The following SLC35D4 variants were observed in gnomAD, a reference collection of about 807,000 sequenced individuals.
SLC35D4 encodes the protein UDP-N-acetylglucosamine transporter SLC35D4.
chr18:23,255,651 C>T, the SLC35D4 span, among the ~76,000 whole-genome samples: 1 of 151,716 alleles, frequency 6.6e-6, no homozygotes, highest in Non-Finnish European at 1.5e-5. Context: ...CCTCCACCTC[C>T]CAGACTCAAG....
chr18:23,389,130 C>T, the SLC35D4 span, among the ~76,000 whole-genome samples: 1 of 151,890 alleles, frequency 6.6e-6, no homozygotes, highest in Non-Finnish European at 1.5e-5. Context: ...GCTGGGACTA[C>T]AGGCCCTGCC....
chr18:23,379,764 C>T, the SLC35D4 span, among the ~76,000 whole-genome samples: 1 of 152,186 alleles, frequency 6.6e-6, no homozygotes, highest in Non-Finnish European at 1.5e-5. Context: ...ACTGAGGTCT[C>T]AGGGTTCTAA....
At chr18:23,424,949 T>A in the SLC35D4 span, among the ~76,000 whole-genome samples, 1 of 152,124 alleles carries the variant, frequency 6.6e-6, no homozygotes, top group Non-Finnish European at 1.5e-5. Flanking sequence ...GGTGATAATA[T>A]AATAAACATT....
chr18:23,280,900 A>C, the SLC35D4 span, among the ~76,000 whole-genome samples: 1 of 151,960 alleles, frequency 6.6e-6, no homozygotes, highest in Non-Finnish European at 1.5e-5. Context: ...AGGGTCCCTG[A>C]GTCCCACCCC....
the SLC35D4 span, chr18:23,368,844 TTA>T: frequency 2.5e-6 from 2 of 799,030 alleles, no homozygotes. Context: ...AAATTCTATT[TTA>T]GTTACTACTT....
At chr18:23,281,642 T>A in the SLC35D4 span, among the ~76,000 whole-genome samples, 866 of 152,264 alleles carry the variant, frequency 5.7e-3, 23 homozygotes, top group Admixed American at 0.05. Flanking sequence ...TGTTATTTTT[T>A]AAAAATCTCT....
chr18:23,361,896 A>G, the SLC35D4 span, among the ~76,000 whole-genome samples: 2 of 152,344 alleles, frequency 1.3e-5, no homozygotes, highest in South Asian at 4.1e-4. Context: ...TTTGCATACT[A>G]TAAAATTCAC....
At chr18:23,343,864 C>T in the SLC35D4 span, among the ~76,000 whole-genome samples, 1 of 151,432 alleles carries the variant, frequency 6.6e-6, no homozygotes, top group Non-Finnish European at 1.5e-5. Flanking sequence ...TGGCCTCCAG[C>T]TCCATCCATG....
chr18:23,406,214 C>T, the SLC35D4 span, among the ~76,000 whole-genome samples: 1 of 152,136 alleles, frequency 6.6e-6, no homozygotes, highest in Admixed American at 6.5e-5. Flanking sequence ...TTCTTGCTCC[C>T]AAGGAACTGC....
chr18:23,240,884 C>T, the SLC35D4 span, among the ~76,000 whole-genome samples: 5 of 152,086 alleles, frequency 3.3e-5, no homozygotes, highest in Non-Finnish European at 7.3e-5. Context: ...TCCTTTCACC[C>T]ATCAAATCCT....
the SLC35D4 span, among the ~76,000 whole-genome samples, chr18:23,268,727 A>T: frequency 6.6e-6 from 1 of 152,110 alleles, no homozygotes; most frequent in African/African-American, 2.4e-5. Flanking sequence ...TCCACAAATC[A>T]CAGCATATTT....
chr18:23,412,034 A>AAG, the SLC35D4 span, among the ~76,000 whole-genome samples: 1 of 152,212 alleles, frequency 6.6e-6, no homozygotes, highest in African/African-American at 2.4e-5. Flanking sequence ...ATAAAACAGC[A>AAG]AGAGGCCAGG....
chr18:23,248,230 A>G, the SLC35D4 span, among the ~76,000 whole-genome samples: 1 of 152,174 alleles, frequency 6.6e-6, no homozygotes, highest in African/African-American at 2.4e-5. Context: ...CGGATCGGAT[A>G]TCGTCAGTGC....
chr18:23,315,538 G>A, the SLC35D4 span, among the ~76,000 whole-genome samples: 1 of 152,098 alleles, frequency 6.6e-6, no homozygotes, highest in African/African-American at 2.4e-5. Flanking sequence ...ATGTGATAAG[G>A]GCCTGATAAC....
At chr18:23,397,026 G>C in the SLC35D4 span, among the ~76,000 whole-genome samples, 1 of 152,152 alleles carries the variant, frequency 6.6e-6, no homozygotes, top group African/African-American at 2.4e-5. Flanking sequence ...AAACACACTA[G>C]ACTGACATTT....
At chr18:23,287,006 C>A in the SLC35D4 span, among the ~76,000 whole-genome samples, 109,769 of 147,712 alleles carry the variant, frequency 0.74, 41,259 homozygotes, top group Middle Eastern at 0.86. Context: ...TTACCATCTC[C>A]TTAAAACCTA....
chr18:23,277,796 A>C, the SLC35D4 span, among the ~76,000 whole-genome samples: 8 of 152,168 alleles, frequency 5.3e-5, no homozygotes, highest in Non-Finnish European at 1.0e-4. Flanking sequence ...TTTTTGCTAA[A>C]CTGGCCTGGC....
the SLC35D4 span, among the ~76,000 whole-genome samples, chr18:23,401,577 C>T: frequency 6.6e-6 from 1 of 152,164 alleles, no homozygotes; most frequent in African/African-American, 2.4e-5. Context: ...TCAAGGGAGG[C>T]AGGATACAGG....
the SLC35D4 span, among the ~76,000 whole-genome samples, chr18:23,281,204 C>T: frequency 2.6e-5 from 4 of 152,236 alleles, no homozygotes; most frequent in South Asian, 2.1e-4. Flanking sequence ...ATAGTGATAA[C>T]GGTTGCAGAA....
Sources: gnomAD v4.1 joint callset for allele counts (sites outside exome capture counted in the v4.1 genomes callset) on GRCh38, gnomAD v4.1.1 for gene constraint, MANE v1.5 for transcripts, NCBI Gene and HGNC (gene_info 2026-07-23, HGNC 2026-07-21) for gene names.